FBXO25: variants seen among roughly 807,000 people sequenced by gnomAD.
FBXO25 encodes F-box protein 25.
In FBXO25, 45 loss-of-function variants were observed where a neutral mutation model predicts 51.9. That is an observed-to-expected ratio of 0.87 (90% confidence interval 0.68 to 1.11). The LOEUF (loss-of-function observed/expected upper bound fraction) is 1.11. FBXO25 is among the 50% of genes most tolerant of loss of function. The pLI is 0.00. For missense variants in FBXO25, 507 were observed against 428.5 expected, an observed-to-expected ratio of 1.18 and a Z score of -1.62; for synonymous variants, 199 against 151.0, an observed-to-expected ratio of 1.32 and a Z score of -2.33.
intron 2 of FBXO25, among the ~76,000 whole-genome samples, chr8:423,638 G>T (rs1233439318): frequency 1.3e-5 from 2 of 152,110 alleles, no homozygotes; most frequent in Non-Finnish European, 2.9e-5. Context: ...CTTTTTTATG[G>T]CTGTGTAGTA....
chr8:407,371 C>T, intron 1 of FBXO25: 2 of 973,932 alleles, frequency 2.1e-6, no homozygotes, highest in Non-Finnish European at 2.4e-6. Flanking sequence ...AAGTCTGGGT[C>T]CGCGGGCGCG....
At chr8:424,476 C>T (rs969192249) in intron 2 of FBXO25, among the ~76,000 whole-genome samples, 42 of 152,262 alleles carry the variant, frequency 2.8e-4, no homozygotes, top group African/African-American at 9.6e-4. Context: ...AGGTTATCTT[C>T]CAGGATCTTA....
At chr8:459,775 G>A (rs979673009) in intron 8 of FBXO25, among the ~76,000 whole-genome samples, 1 of 152,184 alleles carries the variant, frequency 6.6e-6, no homozygotes, top group Non-Finnish European at 1.5e-5. Flanking sequence ...ATCAGCCTGG[G>A]CAGGGCCTCA....
At chr8:411,341 C>T (rs1796473124) in intron 1 of FBXO25, among the ~76,000 whole-genome samples, 1 of 152,220 alleles carries the variant, frequency 6.6e-6, no homozygotes, top group South Asian at 2.1e-4. Context: ...TCCTACTTCT[C>T]CCTCTACCTT....
intron 8 of FBXO25, among the ~76,000 whole-genome samples, chr8:460,636 C>G (rs1257925469): frequency 6.6e-6 from 1 of 152,154 alleles, no homozygotes; most frequent in Middle Eastern, 3.2e-3. Flanking sequence ...AGAAAAATCA[C>G]AGATGGTTAT....
chr8:444,232 A>G (rs573802279), intron 5 of FBXO25, among the ~76,000 whole-genome samples: 1 of 152,210 alleles, frequency 6.6e-6, no homozygotes, highest in African/African-American at 2.4e-5. Flanking sequence ...AGTGAAGAAT[A>G]CTTTCTGTAT....
chr8:423,103 G>A (rs1246615655), intron 2 of FBXO25, among the ~76,000 whole-genome samples: 1 of 142,496 alleles, frequency 7.0e-6, no homozygotes, highest in East Asian at 1.9e-4. Context: ...CTGCTGTGTT[G>A]AGATACCTCT....
At chr8:452,194 T>C (rs1799140265) in intron 7 of FBXO25, among the ~76,000 whole-genome samples, 1 of 152,260 alleles carries the variant, frequency 6.6e-6, no homozygotes, top group South Asian at 2.1e-4. Flanking sequence ...CCTTAACTTT[T>C]GGCTGTTTAT....
intron 1 of FBXO25, among the ~76,000 whole-genome samples, chr8:408,750 T>C (rs1232651073): frequency 6.6e-6 from 1 of 152,200 alleles, no homozygotes; most frequent in South Asian, 2.1e-4. Flanking sequence ...TCTACTGAAG[T>C]ATCCCACCCA....
At chr8:412,777 C>T (rs771295428) in intron 1 of FBXO25, among the ~76,000 whole-genome samples, 7 of 152,118 alleles carry the variant, frequency 4.6e-5, no homozygotes, top group South Asian at 2.1e-4. Context: ...TTCCCTATTC[C>T]ACACTCCCTG....
intron 7 of FBXO25, among the ~76,000 whole-genome samples, chr8:451,798 G>C (rs1423306163): frequency 1.3e-5 from 2 of 152,120 alleles, no homozygotes; most frequent in African/African-American, 4.8e-5. Flanking sequence ...TATTTATTTA[G>C]TTGTTGCTTC....
intron 5 of FBXO25, among the ~76,000 whole-genome samples, chr8:437,846 A>G (rs1439915419): frequency 6.6e-6 from 1 of 151,938 alleles, no homozygotes; most frequent in African/African-American, 2.4e-5. Context: ...TACTACAACA[A>G]CTGAGAGGAT....
intron 2 of FBXO25, among the ~76,000 whole-genome samples, chr8:417,904 G>T (rs1796905695): frequency 6.6e-6 from 1 of 152,156 alleles, no homozygotes; most frequent in South Asian, 2.1e-4. Context: ...GCATACTTGT[G>T]TGAATATTTA....
intron 1 of FBXO25, among the ~76,000 whole-genome samples, chr8:408,436 A>G (rs1354320794): frequency 2.0e-5 from 3 of 152,122 alleles, no homozygotes; most frequent in Non-Finnish European, 4.4e-5. Context: ...CTGGAGTGAG[A>G]CTCCATCATT....
intron 9 of FBXO25, 37 bp from the exon 10 acceptor site, chr8:468,678 T>C (rs767218543): frequency 2.5e-6 from 4 of 1,575,764 alleles, no homozygotes; most frequent in South Asian, 1.1e-5. Flanking sequence ...TGGCTGGTGG[T>C]GGGGCCCCCT....
At chr8:422,774 G>A (rs535022437) in intron 2 of FBXO25, among the ~76,000 whole-genome samples, 8 of 152,268 alleles carry the variant, frequency 5.3e-5, no homozygotes, top group South Asian at 2.1e-4. Flanking sequence ...CACAGGGCTC[G>A]CAATGGTGGC....
intron 7 of FBXO25, among the ~76,000 whole-genome samples, chr8:456,363 C>T (rs190711391): frequency 6.6e-6 from 1 of 152,246 alleles, no homozygotes; most frequent in African/African-American, 2.4e-5. Context: ...GCGTGAGCCA[C>T]CCGGCCTGGC....
At chr8:408,398 A>T (rs1220024867) in intron 1 of FBXO25, among the ~76,000 whole-genome samples, 2 of 152,288 alleles carry the variant, frequency 1.3e-5, no homozygotes, top group African/African-American at 4.8e-5. Context: ...AACTGCTATT[A>T]TAAACATAGT....
In FBXO25 at chr8:474,146, TCTC is replaced by T. The variant is rs1316900218; in HGVS notation, c.*5345_*5347del. ...TCCACCAGCCCCTGGCAGCCTCTGT[TCTC>T]CTTTGTCTCTTTTAATTTGACTTCT... On this transcript the variant is annotated 3_prime_UTR_variant, in exon 10 of 10. Coordinates refer to ENST00000350302, the MANE Select transcript of FBXO25 (RefSeq NM_183420.2). The T allele has an allele frequency of 6.5e-6, 1 of 154,676 alleles. No homozygotes were observed. Among genetic ancestry groups the T allele is most frequent in the Non-Finnish European group, 1.4e-5 (1 of 70,016 alleles). The allele number at this position is 154,676 out of a possible 1,614,324, so 9.6% of individuals were successfully genotyped here.
Sources: allele counts gnomAD v4.1 joint callset (sites outside exome capture counted in the v4.1 genomes callset), GRCh38; gene constraint gnomAD v4.1.1; transcripts MANE v1.5; gene names NCBI Gene and HGNC (gene_info 2026-07-23, HGNC 2026-07-21).